NDUFAF2: variants seen among roughly 807,000 people sequenced by gnomAD.
The protein encoded by NDUFAF2 is NADH dehydrogenase [ubiquinone] 1 alpha subcomplex assembly factor 2.
In NDUFAF2, 13 loss-of-function variants were observed where a neutral mutation model predicts 22.8. That is an observed-to-expected ratio of 0.57 (90% CI 0.37 to 0.91). NDUFAF2 has a LOEUF of 0.91. Ranked by LOEUF, NDUFAF2 falls within the 40% of genes least tolerant of loss-of-function variation. The pLI, the probability that NDUFAF2 is intolerant of heterozygous loss-of-function variation, is 0.01. For missense variants in NDUFAF2, 162 were observed against 195.2 expected, an observed-to-expected ratio of 0.83 and a Z score of 1.01; for synonymous variants, 53 against 64.2, an observed-to-expected ratio of 0.83 and a Z score of 0.84.
intron 1 of NDUFAF2, among the ~76,000 whole-genome samples, chr5:61,063,346 A>G (rs1186341323): frequency 6.7e-6 from 1 of 149,572 alleles, no homozygotes; most frequent in African/African-American, 2.4e-5. Flanking sequence ...AAAAAGTTAA[A>G]AAAAAAAAAA....
intron 1 of NDUFAF2, among the ~76,000 whole-genome samples, chr5:61,004,607 A>G (rs1285330110): frequency 1.3e-5 from 2 of 152,202 alleles, no homozygotes; most frequent in African/African-American, 4.8e-5. Context: ...GGCTGAGTAA[A>G]TTTAAGTCTA....
At chr5:61,004,924 T>C (rs1344092592) in intron 1 of NDUFAF2, among the ~76,000 whole-genome samples, 1 of 136,632 alleles carries the variant, frequency 7.3e-6, no homozygotes, top group Non-Finnish European at 1.6e-5. Flanking sequence ...TTTATTCTTT[T>C]TTATTTATTT....
chr5:61,136,039 A>ATATATATATATATATATATATATATC (rs1367597510), intron 3 of NDUFAF2, among the ~76,000 whole-genome samples: 2 of 103,426 alleles, frequency 1.9e-5, no homozygotes, highest in African/African-American at 7.5e-5. Context: ...ATATATATAT[A>ATATATATATATATATATATATATATC]TATCTAGGGT....
intron 1 of NDUFAF2, among the ~76,000 whole-genome samples, chr5:60,966,013 A>G (rs930608707): frequency 1.3e-5 from 2 of 151,920 alleles, no homozygotes; most frequent in Non-Finnish European, 2.9e-5. Flanking sequence ...CCTTTTCTCT[A>G]CATTGTCGAC....
intron 1 of NDUFAF2, among the ~76,000 whole-genome samples, chr5:61,071,407 C>A (rs1268714697): frequency 1.3e-5 from 2 of 152,194 alleles, no homozygotes; most frequent in African/African-American, 4.8e-5. Flanking sequence ...CCCAGCCTTT[C>A]ACTTAATATT....
chr5:61,125,033 CATGAGAACAGCATGGGGA>C (rs1445558671), intron 3 of NDUFAF2, among the ~76,000 whole-genome samples: 1 of 151,986 alleles, frequency 6.6e-6, no homozygotes, highest in Non-Finnish European at 1.5e-5. Flanking sequence ...CACTCACAAT[CATGAGAACAGCATGGGGA>C]AATCCATCCC....
intron 1 of NDUFAF2, among the ~76,000 whole-genome samples, chr5:60,962,235 A>G (rs1750697918): frequency 6.6e-6 from 1 of 151,870 alleles, no homozygotes; most frequent in African/African-American, 2.4e-5. Flanking sequence ...AAACTATGAT[A>G]GCACAATATG....
chr5:61,105,441 G>A (rs1463514643), intron 3 of NDUFAF2, among the ~76,000 whole-genome samples: 1 of 150,850 alleles, frequency 6.6e-6, no homozygotes, highest in East Asian at 1.9e-4. Flanking sequence ...TGGTTAAATG[G>A]ACCTCCCACT....
At chr5:61,137,917 A>G (rs1332560081) in intron 3 of NDUFAF2, among the ~76,000 whole-genome samples, 1 of 152,234 alleles carries the variant, frequency 6.6e-6, no homozygotes, top group Admixed American at 6.5e-5. Flanking sequence ...TGCCCATCAG[A>G]GTCTTTGTAC....
At chr5:61,103,208 G>A (rs553550415) in intron 3 of NDUFAF2, among the ~76,000 whole-genome samples, 5 of 152,140 alleles carry the variant, frequency 3.3e-5, no homozygotes, top group East Asian at 1.9e-4. Context: ...GGCCCAGCCC[G>A]ACTTTCTAGC....
chr5:60,983,274 G>A, intron 1 of NDUFAF2, among the ~76,000 whole-genome samples: 1 of 69,908 alleles, frequency 1.4e-5, no homozygotes, highest in Admixed American at 1.6e-4. Context: ...AAATTTGTTT[G>A]AGTTCATTGT....
intron 1 of NDUFAF2, among the ~76,000 whole-genome samples, chr5:60,965,915 C>G (rs1340534718): frequency 1.3e-5 from 2 of 151,958 alleles, no homozygotes; most frequent in Non-Finnish European, 2.9e-5. Context: ...TATGGTAGTT[C>G]TATTTTTAGT....
At chr5:61,136,005 T>TTATATA (rs57756292) in intron 3 of NDUFAF2, among the ~76,000 whole-genome samples, 1,136 of 95,642 alleles carry the variant, frequency 0.012, 38 homozygotes, top group Non-Finnish European at 0.014. Flanking sequence ...AAGCCTGTCT[T>TTATATA]TATATATATA....
intron 2 of NDUFAF2, among the ~76,000 whole-genome samples, chr5:61,087,610 T>G (rs1752519314): frequency 6.6e-6 from 1 of 152,162 alleles, no homozygotes; most frequent in Admixed American, 6.6e-5. Context: ...TCTTTATCAG[T>G]TTAAACATAC....
chr5:61,055,598 G>A (rs1192925672), intron 1 of NDUFAF2, among the ~76,000 whole-genome samples: 1 of 152,160 alleles, frequency 6.6e-6, no homozygotes, highest in Non-Finnish European at 1.5e-5. Flanking sequence ...ACCTTTGCCA[G>A]CCAATAAGTG....
chr5:61,104,384 G>A (rs1279611070), intron 3 of NDUFAF2, among the ~76,000 whole-genome samples: 1 of 151,930 alleles, frequency 6.6e-6, no homozygotes, highest in African/African-American at 2.4e-5. Flanking sequence ...CAAATTATAT[G>A]GTTTATTATA....
chr5:61,122,485 G>A (rs1039493062), intron 3 of NDUFAF2, among the ~76,000 whole-genome samples: 2 of 152,114 alleles, frequency 1.3e-5, no homozygotes, highest in African/African-American at 2.4e-5. Context: ...AAATAATTCT[G>A]AACTCTACAC....
chr5:61,081,048 G>A (rs1009760246), intron 2 of NDUFAF2, among the ~76,000 whole-genome samples: 1 of 151,914 alleles, frequency 6.6e-6, no homozygotes, highest in Non-Finnish European at 1.5e-5. Context: ...GTTTTTTATG[G>A]CAATCTAATT....
At chr5:61,140,844 C>G (rs1741041869) in intron 3 of NDUFAF2, among the ~76,000 whole-genome samples, 1 of 152,162 alleles carries the variant, frequency 6.6e-6, no homozygotes, top group African/African-American at 2.4e-5. Context: ...CTAGAATGCC[C>G]CTCTCTTCTT....
Sources: gnomAD v4.1 joint callset for allele counts (sites outside exome capture counted in the v4.1 genomes callset) on GRCh38, gnomAD v4.1.1 for gene constraint, MANE v1.5 for transcripts, NCBI Gene and HGNC (gene_info 2026-07-23, HGNC 2026-07-21) for gene names.